The following TRIM14 variants were observed in gnomAD, a reference collection of about 807,000 sequenced individuals.
The protein encoded by TRIM14 is tripartite motif containing 14, also known as tripartite motif-containing protein 14.
TRIM14 carries 28 observed loss-of-function variants against 44.5 expected under a neutral mutation model. That is an observed-to-expected ratio of 0.63 (90% CI 0.47 to 0.86). TRIM14 has a LOEUF of 0.86. Ranked by LOEUF, TRIM14 falls within the 40% of genes least tolerant of loss-of-function variation. TRIM14 has a pLI of 0.00. For missense variants in TRIM14, 607 were observed against 611.1 expected, an observed-to-expected ratio of 0.99 and a Z score of 0.07; for synonymous variants, 299 against 269.2, an observed-to-expected ratio of 1.11 and a Z score of -1.08.
At chr9:98,088,502 C>T (rs1300116230) in intron 5 of TRIM14, among the ~76,000 whole-genome samples, 2 of 152,106 alleles carry the variant, frequency 1.3e-5, no homozygotes, top group Admixed American at 1.3e-4. Context: ...CTACAGGCGC[C>T]CACCACCACG....
chr9:98,110,645 C>A (rs552223071), intron 1 of TRIM14, among the ~76,000 whole-genome samples: 3 of 152,110 alleles, frequency 2.0e-5, no homozygotes, highest in South Asian at 4.1e-4. Context: ...TGAGGGCAGG[C>A]TCGCTTCGTT....
chr9:98,080,602 C>T (rs1829809302), downstream of TRIM14, among the ~76,000 whole-genome samples: 1 of 152,208 alleles, frequency 6.6e-6, no homozygotes, highest in South Asian at 2.1e-4. Context: ...AGAGCATTTA[C>T]AATGTGCTGA....
At chr9:98,064,197 C>T in the TRIM14 span, among the ~76,000 whole-genome samples, 1 of 152,176 alleles carries the variant, frequency 6.6e-6, no homozygotes, top group South Asian at 2.1e-4. Context: ...CCTTAATTCA[C>T]AGCATTCGTA....
At position 98,094,815 on chromosome 9, in the gene TRIM14, T is replaced by C; in HGVS notation, c.700+52A>G. ...ATGATCTTTGCATTCGTCTCTGGGCTAAAGGACACTAGGGGAGTTAAGGAC... is the reference window on the plus strand; with the variant it reads ...ATGATCTTTGCATTCGTCTCTGGGCCAAAGGACACTAGGGGAGTTAAGGAC... On this transcript the variant is annotated intron_variant, in intron 4 of 5. Transcript: ENST00000341469. 4 of 1,583,388 alleles carry C rather than the reference T, an allele frequency of 2.5e-6. No homozygotes were observed. The South Asian group carries it at 3.4e-5, about 14-fold the overall frequency.
chr9:98,058,230 C>T, the TRIM14 span, among the ~76,000 whole-genome samples: 4 of 152,050 alleles, frequency 2.6e-5, no homozygotes, highest in Admixed American at 6.6e-5. Flanking sequence ...GCTGTTCCTT[C>T]GGGACTGGTT....
chr9:98,095,789 G>T lies in TRIM14; in HGVS notation c.538-760C>A, dbSNP rs1454162231. ...GCACTGAGGGACAGCAGTGGTGGGG[G>T]CTCTGGTCAGTGGTGTGAGTGGTGA... On this transcript the variant is annotated intron_variant, in intron 3 of 5. Transcript: ENST00000341469. The surrounding 1 kb of genome is among the most constrained non-coding windows in gnomAD (Gnocchi z 4.1). Among the ~76,000 whole-genome samples, 1 of 152,182 alleles carries T rather than the reference G, an allele frequency of 6.6e-6. No homozygotes were observed. The highest frequency in any genetic ancestry group is 1.5e-5 in the Non-Finnish European group (1 of 68,036).
At chr9:98,080,251 C>T (rs377329467), downstream of TRIM14, among the ~76,000 whole-genome samples, 1 of 152,184 alleles carries the variant, frequency 6.6e-6, no homozygotes, top group Non-Finnish European at 1.5e-5. Context: ...TAATAATACA[C>T]GCTACCTGAG....
At chr9:98,098,050 T>C (rs1222753777) in intron 3 of TRIM14, among the ~76,000 whole-genome samples, 1 of 152,200 alleles carries the variant, frequency 6.6e-6, no homozygotes, top group Non-Finnish European at 1.5e-5. Context: ...TGGCGGGTTT[T>C]GTGTTGACTG....
At chr9:98,058,062 C>T in the TRIM14 span, among the ~76,000 whole-genome samples, 524 of 151,432 alleles carry the variant, frequency 3.5e-3, 5 homozygotes, top group African/African-American at 0.011. Context: ...AGCTGGGACC[C>T]ACAGGCGTGA....
chr9:98,103,934 A>G (rs1204191939), intron 2 of TRIM14, among the ~76,000 whole-genome samples: 1 of 151,836 alleles, frequency 6.6e-6, no homozygotes, highest in Non-Finnish European at 1.5e-5. Flanking sequence ...GCACCCAGCC[A>G]GTCACGAGGG....
At chr9:98,048,832 G>A in the TRIM14 span, among the ~76,000 whole-genome samples, 1 of 152,052 alleles carries the variant, frequency 6.6e-6, no homozygotes, top group African/African-American at 2.4e-5. Context: ...GACCAGTCTG[G>A]CCACATGGTG....
chr9:98,091,941 C>T lies in TRIM14; in HGVS notation c.761G>A (p.Ser254Asn), dbSNP rs373336252. 57 of 1,610,642 alleles carry T rather than the reference C, an allele frequency of 3.5e-5. No individual in the cohort carries two copies. Among genetic ancestry groups the T allele is most frequent in the Non-Finnish European group, 4.5e-5 (53 of 1,177,614 alleles). The change falls in exon 5 of 6, where the codon AGC becomes AAC. Residue 254 changes from serine to asparagine, a missense_variant. Ser to Asn is a conservative substitution (Grantham distance 46, BLOSUM62 1). Around this residue, in one of 3 missense-constraint regions of TRIM14, gnomAD observed 356 missense variants for 323.0 expected, o/e 1.10. Coordinates refer to ENST00000341469, the MANE Select transcript of TRIM14 (RefSeq NM_014788.4). ...STKPGTLLKT[S>N]PSPERSLLLK... ...CAATAGCGATCGCTCTGGTGAGGGG[C>T]TGGTTTTCAACAAGGTACCTGGCTT...
downstream of TRIM14, among the ~76,000 whole-genome samples, chr9:98,083,466 G>C (rs746014902): frequency 6.6e-6 from 1 of 152,068 alleles, no homozygotes; most frequent in Non-Finnish European, 1.5e-5. Flanking sequence ...TCCCTTTCCT[G>C]CCCTTGGCCT....
chr9:98,046,157 C>G, the TRIM14 span, among the ~76,000 whole-genome samples: 3 of 152,106 alleles, frequency 2.0e-5, no homozygotes, highest in Admixed American at 1.3e-4. Flanking sequence ...GAAAAAAAAT[C>G]ATTGGCTAAG....
At chr9:98,105,239 C>T (rs1220707160) in intron 2 of TRIM14, among the ~76,000 whole-genome samples, 3 of 152,224 alleles carry the variant, frequency 2.0e-5, no homozygotes, top group African/African-American at 7.2e-5. Flanking sequence ...ATTCCACCCG[C>T]AGGGGTTCTG....
chr9:98,109,602 C>G (rs962819814), intron 2 of TRIM14, among the ~76,000 whole-genome samples: 6 of 152,294 alleles, frequency 3.9e-5, no homozygotes, highest in African/African-American at 1.4e-4. Flanking sequence ...GCTAATTCCT[C>G]CAAGAGACTG....
At chr9:98,103,703 T>C (rs1826487787) in intron 2 of TRIM14, among the ~76,000 whole-genome samples, 1 of 151,828 alleles carries the variant, frequency 6.6e-6, no homozygotes, top group Non-Finnish European at 1.5e-5. Context: ...CCAGGTGTGG[T>C]GGTGGGCACC....
the TRIM14 span, among the ~76,000 whole-genome samples, chr9:98,052,227 C>G: frequency 3.3e-5 from 5 of 151,956 alleles, no homozygotes; most frequent in Non-Finnish European, 5.9e-5. Context: ...TCTGTGACAC[C>G]TCCTCTGTTT....
At chr9:98,109,260 C>G (rs1826747220) in intron 2 of TRIM14, among the ~76,000 whole-genome samples, 1 of 149,516 alleles carries the variant, frequency 6.7e-6, no homozygotes, top group Non-Finnish European at 1.5e-5. Context: ...GAGGGAGCAA[C>G]AGAGGATGAA....
Sources: allele counts gnomAD v4.1 joint callset (sites outside exome capture counted in the v4.1 genomes callset), GRCh38; gene constraint gnomAD v4.1.1; regional missense constraint gnomAD v4.1.1; non-coding constraint Gnocchi (gnomAD v3.1); transcripts MANE v1.5; gene names NCBI Gene and HGNC (gene_info 2026-07-23, HGNC 2026-07-21).